KLHL29: variants seen among roughly 807,000 people sequenced by gnomAD.
The protein encoded by KLHL29 is kelch like family member 29, also known as kelch-like protein 29.
In KLHL29, 21 loss-of-function variants were observed where a neutral mutation model predicts 80.4. The observed-to-expected ratio is 0.26, with a 90% CI of 0.19 to 0.38. The LOEUF (loss-of-function observed/expected upper bound fraction) is 0.38, where lower values mean the gene tolerates loss of function less well. KLHL29 is among the 10% of genes least tolerant of loss of function. The probability of loss-of-function intolerance (pLI) is 1.00; values close to 1 mark genes in which losing one functional copy is unlikely to be tolerated. For synonymous variants in KLHL29, 511 were observed against 526.8 expected (o/e 0.97, Z 0.41); for missense variants, 867 against 1,223.9 (o/e 0.71, Z 4.35).
chr2:23,434,719 T>G (rs1323336412), intron 1 of KLHL29, among the ~76,000 whole-genome samples: 2 of 152,240 alleles, frequency 1.3e-5, no homozygotes, highest in Non-Finnish European at 2.9e-5. Flanking sequence ...GGTTTTGACA[T>G]GCTGTAAATA....
At chr2:23,619,270 G>A (rs905613761) in intron 3 of KLHL29, among the ~76,000 whole-genome samples, 4 of 152,228 alleles carry the variant, frequency 2.6e-5, no homozygotes, top group African/African-American at 4.8e-5. Context: ...GTCACACCTG[G>A]GGTCTTCTGC....
chr2:23,583,245 T>TAC lies in KLHL29; in HGVS notation c.285+20765_285+20766dup, dbSNP rs565581381. ...TGTTGCCGCAGCCCCAGAAAAATGA[T>TAC]ACCCCATGGACACCCCATGGAAGGG... On this transcript the variant is annotated intron_variant, in intron 3 of 13. Transcript: ENST00000486442. 1.5e-3 allele frequency among the ~76,000 whole-genome samples: 228 copies of TAC among 152,268 alleles called. 1 individual carries two copies. Among genetic ancestry groups the TAC allele is most frequent in the African/African-American group, 5.1e-3 (213 of 41,578 alleles).
rs143516047 is a variant in KLHL29 at position 23,525,664 on chromosome 2, T to G, written c.-45-36488T>G. ...CTGGTTTTGCCCTGCCTGGGAAGAG[T>G]AAGGCATGGAACCTGCTGGGACTTT... On this transcript the variant is annotated intron_variant, in intron 2 of 13. Transcript: ENST00000486442. 8.1e-4 allele frequency among the ~76,000 whole-genome samples: 120 copies of G among 148,366 alleles called. No individual in the cohort carries two copies. In the East Asian group the frequency reaches 0.021, roughly 26 times the overall value.
chr2:23,464,179 A>G (rs1157812694), intron 1 of KLHL29, among the ~76,000 whole-genome samples: 1 of 152,152 alleles, frequency 6.6e-6, no homozygotes, highest in East Asian at 1.9e-4. Context: ...AGACTTTTGA[A>G]AGTGGCAAAT....
chr2:23,457,862 A>C lies in KLHL29; in HGVS notation c.-153-17698A>C, dbSNP rs1664100795. Among the ~76,000 whole-genome samples the C allele has an allele frequency of 6.6e-6, 1 of 151,882 alleles. No homozygotes were observed. The highest frequency in any genetic ancestry group is 6.6e-5 in the Admixed American group (1 of 15,254). The stretch of plus-strand genomic sequence containing the variant: ...CCCTGTCTCTACTAAAAATACAAAA[A>C]ATTAGCCAGGCGTGGTGGCGGGCAC... On this transcript the variant is annotated intron_variant, in intron 1 of 13. Coordinates refer to ENST00000486442, the MANE Select transcript of KLHL29 (RefSeq NM_052920.2). This position sits in a 1 kb window ranked among gnomAD's most constrained non-coding sequence, Gnocchi z 4.3.
Position 23,691,668 on chromosome 2 carries a change from G to T in KLHL29, c.1080-6G>T. 1 of 1,551,524 alleles carries T rather than the reference G, an allele frequency of 6.4e-7. No individual in the cohort carries two copies. The highest frequency in any genetic ancestry group is 8.7e-7 in the Non-Finnish European group (1 of 1,146,938). ...GAGGTAAGGACACCCTGGTCTCTGT[G>T]CCTAGGTCCGTGCAAGACAGCGGCC... On this transcript the variant is annotated splice_region_variant and splice_polypyrimidine_tract_variant and intron_variant, in intron 6 of 13. Coordinates refer to ENST00000486442, the MANE Select transcript of KLHL29 (RefSeq NM_052920.2).
intron 1 of KLHL29, among the ~76,000 whole-genome samples, chr2:23,443,581 C>T (rs1272745774): frequency 6.6e-6 from 1 of 152,176 alleles, no homozygotes; most frequent in African/African-American, 2.4e-5. Flanking sequence ...CCAGTTATTT[C>T]CTTGCAGTGC....
intron 2 of KLHL29, among the ~76,000 whole-genome samples, chr2:23,542,410 A>C (rs1488535042): frequency 6.6e-6 from 1 of 152,094 alleles, no homozygotes; most frequent in Non-Finnish European, 1.5e-5. Flanking sequence ...TCTGCTGGGG[A>C]AGCTCTCCCA....
At chr2:23,620,106 C>T (rs557548694) in intron 3 of KLHL29, among the ~76,000 whole-genome samples, 3 of 152,190 alleles carry the variant, frequency 2.0e-5, no homozygotes, top group African/African-American at 4.8e-5. Context: ...GAGCGAGCCT[C>T]GGTGAGGGGG....
chr2:23,514,165 G>T (rs923102461), intron 2 of KLHL29, among the ~76,000 whole-genome samples: 2 of 152,182 alleles, frequency 1.3e-5, no homozygotes, highest in Non-Finnish European at 2.9e-5. Flanking sequence ...TGTAAGGGGG[G>T]AGGCATCTGT....
intron 2 of KLHL29, among the ~76,000 whole-genome samples, chr2:23,554,675 T>A (rs577432402): frequency 1.3e-3 from 199 of 152,264 alleles, no homozygotes; most frequent in African/African-American, 4.6e-3. Context: ...GCACGAAGCA[T>A]CCTGTTCCTG....
intron 3 of KLHL29, among the ~76,000 whole-genome samples, chr2:23,567,452 G>T (rs1430742430): frequency 1.3e-5 from 2 of 152,356 alleles, no homozygotes; most frequent in East Asian, 3.9e-4. Context: ...TATGAAATCT[G>T]CAGGCTTCAT....
Position 23,707,082 on chromosome 2 carries a change from T to C in KLHL29, c.*418T>C. 6.5e-6 allele frequency: 1 copy of C among 154,810 alleles called. No homozygotes were observed. Among genetic ancestry groups the C allele is most frequent in the Non-Finnish European group, 1.4e-5 (1 of 69,754 alleles). The allele number at this position is 154,810 out of a possible 1,614,324, so 9.6% of individuals were successfully genotyped here. A position where few individuals can be genotyped will look rare whatever the true frequency, so the allele number is the denominator to read the frequency against. On this transcript the variant is annotated 3_prime_UTR_variant, in exon 14 of 14. Coordinates refer to ENST00000486442, the MANE Select transcript of KLHL29 (RefSeq NM_052920.2). ...CTCTTGGAATAAGATCAAAGTGTCCTTATCACTTTGATTCCTACTTTTGTT... is the reference window on the plus strand; with the variant it reads ...CTCTTGGAATAAGATCAAAGTGTCCCTATCACTTTGATTCCTACTTTTGTT...
At position 23,439,733 on chromosome 2, in the gene KLHL29, A is replaced by G. The variant is rs1204842829; in HGVS notation, c.-153-35827A>G. On this transcript the variant is annotated intron_variant, in intron 1 of 13. Transcript: ENST00000486442. The stretch of plus-strand genomic sequence containing the variant: ...GCTGAGGAGAGCTTTACTTCCAAGT[A>G]TGTGGTCAATTTTGGAATAGGTGTG... Among the ~76,000 whole-genome samples the G allele has an allele frequency of 2.7e-5, 4 of 150,774 alleles. No homozygotes were observed. In the East Asian group the frequency reaches 7.8e-4, roughly 29 times the overall value.
intron 6 of KLHL29, among the ~76,000 whole-genome samples, chr2:23,687,010 G>A (rs1671290950): frequency 6.6e-6 from 1 of 152,196 alleles, no homozygotes; most frequent in Admixed American, 6.5e-5. Context: ...CACATTCTTG[G>A]TGGTCAAGAG....
chr2:23,556,236 G>T (rs1667290782), intron 2 of KLHL29, among the ~76,000 whole-genome samples: 1 of 152,150 alleles, frequency 6.6e-6, no homozygotes, highest in South Asian at 2.1e-4. Context: ...TTGAATCTGG[G>T]CTCAGAGCTG....
At chr2:23,452,906 CCCCG>C (rs141515450) in intron 1 of KLHL29, among the ~76,000 whole-genome samples, 3 of 139,852 alleles carry the variant, frequency 2.1e-5, no homozygotes, top group African/African-American at 6.0e-5. Flanking sequence ...CTGGTCACCC[CCCCG>C]CCCACACACA....
intron 1 of KLHL29, among the ~76,000 whole-genome samples, chr2:23,416,711 G>C (rs951747280): frequency 6.6e-6 from 1 of 152,210 alleles, no homozygotes; most frequent in Non-Finnish European, 1.5e-5. Context: ...TGTCTAGTGT[G>C]TTGCCAGCTA....
rs1369683137 is a variant in KLHL29, at chr2:23,682,673, C to G, written c.941-1726C>G. ...GCACCTGCCCCCTCGTGCTCCTGCA[C>G]CCTCCCACACCCTCCCGCACCCTCC... On this transcript the variant is annotated intron_variant, in intron 5 of 13. Transcript: ENST00000486442. This position sits in a 1 kb window ranked among gnomAD's most constrained non-coding sequence, Gnocchi z 4.1. 6.6e-6 allele frequency among the ~76,000 whole-genome samples: 1 copy of G among 150,814 alleles called. No homozygotes were observed. The highest frequency in any genetic ancestry group is 1.5e-5 in the Non-Finnish European group (1 of 67,654).
Sources: gnomAD v4.1 joint callset for allele counts (sites outside exome capture counted in the v4.1 genomes callset) on GRCh38, gnomAD v4.1.1 for gene constraint, Gnocchi (gnomAD v3.1) non-coding constraint, MANE v1.5 for transcripts, NCBI Gene and HGNC (gene_info 2026-07-23, HGNC 2026-07-21) for gene names.